The following UBIAD1 variants were observed in gnomAD, a reference collection of about 807,000 sequenced individuals.
UBIAD1 encodes UbiA prenyltransferase domain containing 1.
Under a neutral mutation model 20.1 loss-of-function variants are expected in UBIAD1, and 12 were observed. That is an observed-to-expected ratio of 0.60 (90% confidence interval 0.38 to 0.97). The LOEUF (loss-of-function observed/expected upper bound fraction) is 0.97. Ranked by LOEUF, UBIAD1 falls within the 50% of genes least tolerant of loss-of-function variation. The pLI, the probability that UBIAD1 is intolerant of heterozygous loss-of-function variation, is 0.00. For synonymous variants in UBIAD1, 207 were observed against 189.2 expected (o/e 1.09, Z -0.77); for missense variants, 333 against 419.5 (o/e 0.79, Z 1.80).
chr1:11,296,762 C>T (rs558824242), downstream of UBIAD1, among the ~76,000 whole-genome samples: 49 of 152,306 alleles, frequency 3.2e-4, no homozygotes, highest in African/African-American at 1.1e-3. Flanking sequence ...TAAAGCAATC[C>T]GCCCGCCTCA....
chr1:11,286,292 G>A lies in UBIAD1; in HGVS notation c.*161G>A. ...TTTGTGTTCTTAAAGATAATATGTT[G>A]TTTTTCTGTTTTTTGTTTTTTCCAT... On this transcript the variant is annotated 3_prime_UTR_variant, in exon 2 of 2. Coordinates refer to ENST00000376810, the MANE Select transcript of UBIAD1 (RefSeq NM_013319.3). The A allele has an allele frequency of 1.1e-6, 1 of 936,598 alleles. No homozygotes were observed. The highest frequency in any genetic ancestry group is 1.6e-6 in the Non-Finnish European group (1 of 633,088). 58.0% of individuals were successfully genotyped at this position (936,598 alleles called of 1,614,324 possible). A position where few individuals can be genotyped will look rare whatever the true frequency, so the allele number is the denominator to read the frequency against.
chr1:11,273,961 G>T lies in UBIAD1; in HGVS notation c.430G>T (p.Val144Phe), dbSNP rs762840240. The T allele has an allele frequency of 1.9e-6, 3 of 1,614,208 alleles. No individual in the cohort carries two copies. The highest frequency in any genetic ancestry group is 1.7e-5 in the Admixed American group (1 of 60,020). The stretch of plus-strand genomic sequence containing the variant: ...AGTCTTCCTCTACACGTTGGGCTGC[G>T]TCTGTGCCGCTTGCCTCTACTACCT... ...FGVFLYTLGC[V>F]CAACLYYLSP... The change falls in exon 1 of 2, where the codon GTC (valine) becomes TTC (phenylalanine). Residue 144 changes from valine to phenylalanine, a missense_variant. Physicochemically the swap from Val to Phe is conservative, Grantham distance 50. Transcript: ENST00000376810. The surrounding 1 kb of genome is among the most constrained non-coding windows in gnomAD (Gnocchi z 4.9).
At chr1:11,291,622 AAAAG>A (rs1201892374), downstream of UBIAD1, among the ~76,000 whole-genome samples, 1 of 152,012 alleles carries the variant, frequency 6.6e-6, no homozygotes, top group African/African-American at 2.4e-5. Context: ...AAAAAAAAAA[AAAAG>A]AAATATGGAA....
At chr1:11,289,744 A>G (rs1199894156), downstream of UBIAD1, among the ~76,000 whole-genome samples, 1 of 148,786 alleles carries the variant, frequency 6.7e-6, no homozygotes, top group African/African-American at 2.5e-5. Flanking sequence ...TTGTATATAT[A>G]TGTTTTATAT....
At chr1:11,284,661 A>G (rs1229748101) in intron 1 of UBIAD1, among the ~76,000 whole-genome samples, 1 of 151,986 alleles carries the variant, frequency 6.6e-6, no homozygotes, top group Non-Finnish European at 1.5e-5. Context: ...ATGGGGTTTC[A>G]CCCTGTTGGC....
downstream of UBIAD1, among the ~76,000 whole-genome samples, chr1:11,292,473 C>T (rs1638382116): frequency 6.6e-6 from 1 of 152,028 alleles, no homozygotes; most frequent in African/African-American, 2.4e-5. Context: ...ATGAGAAGAC[C>T]TCTAAGGGTC....
rs186993492 is a variant in UBIAD1, at chr1:11,282,687, C to T, written c.530-2957C>T. On this transcript the variant is annotated intron_variant, in intron 1 of 1. Coordinates refer to ENST00000376810, the MANE Select transcript of UBIAD1 (RefSeq NM_013319.3). ...AAGCGATTCTCCTGCCTCAGCCTCCCGAGTAGCTGGGATTACAGGCGTGCA... is the reference window on the plus strand; with the variant it reads ...AAGCGATTCTCCTGCCTCAGCCTCCTGAGTAGCTGGGATTACAGGCGTGCA... Among the ~76,000 whole-genome samples the T allele has an allele frequency of 1.7e-3, 256 of 151,894 alleles. 1 individual carries two copies. The highest frequency in any genetic ancestry group is 4.9e-3 in the African/African-American group (201 of 41,394).
intron 1 of UBIAD1, among the ~76,000 whole-genome samples, chr1:11,279,821 G>A (rs1284154799): frequency 6.6e-6 from 1 of 152,186 alleles, no homozygotes; most frequent in Non-Finnish European, 1.5e-5. Flanking sequence ...GGGAGTCATT[G>A]GTCTATAGAT....
chr1:11,285,990 G>A lies in UBIAD1; in HGVS notation c.876G>A (p.Met292Ile), dbSNP rs533735077. 1 of 1,614,154 alleles carries A rather than the reference G, an allele frequency of 6.2e-7. No individual in the cohort carries two copies. The highest frequency in any genetic ancestry group is 1.3e-5 in the African/African-American group (1 of 75,024). ...CACTCCCCCTGCTTACCATTCCCAT[G>A]GCCTTCTCCCTTGAGAGACAGTTTC... ...SLALPLLTIPMAFSLERQFRS... is the reference protein window; with the variant it reads ...SLALPLLTIPIAFSLERQFRS... Residue 292 changes from methionine (M) to isoleucine (I), a missense_variant, in exon 2 of 2, where the codon ATG becomes ATA. By Grantham distance (10) the Met-to-Ile change is conservative (BLOSUM62 1). Transcript: ENST00000376810. The surrounding 1 kb of genome is among the most constrained non-coding windows in gnomAD (Gnocchi z 4.4).
At chr1:11,279,846 G>C (rs1468160230) in intron 1 of UBIAD1, among the ~76,000 whole-genome samples, 1 of 152,204 alleles carries the variant, frequency 6.6e-6, no homozygotes, top group African/African-American at 2.4e-5. Context: ...TTGTAGGACT[G>C]GGTGAGGTCA....
In UBIAD1 at chr1:11,285,959, G is replaced by T; in HGVS notation, c.845G>T (p.Ser282Ile). 6.2e-7 allele frequency: 1 copy of T among 1,614,158 alleles called. No homozygotes were observed. Among genetic ancestry groups the T allele is most frequent in the Non-Finnish European group, 8.5e-7 (1 of 1,180,026 alleles). The change falls in exon 2 of 2, where the codon AGC (serine) becomes ATC (isoleucine). Residue 282 changes from serine to isoleucine, a missense_variant. Physicochemically the swap from Ser to Ile is moderately radical, Grantham distance 142. Transcript: ENST00000376810. The surrounding 1 kb of genome is among the most constrained non-coding windows in gnomAD (Gnocchi z 4.4). ...FSILATHCTISLALPLLTIPM... is the reference protein window; with the variant it reads ...FSILATHCTIILALPLLTIPM... ...ATCCTGGCCACACACTGCACCATCAGCCTGGCACTCCCCCTGCTTACCATT... is the reference window on the plus strand; with the variant it reads ...ATCCTGGCCACACACTGCACCATCATCCTGGCACTCCCCCTGCTTACCATT...
intron 1 of UBIAD1, among the ~76,000 whole-genome samples, chr1:11,278,205 G>A (rs1315939148): frequency 5.3e-5 from 8 of 151,974 alleles, no homozygotes; most frequent in Non-Finnish European, 1.0e-4. Context: ...TGATCTGCTC[G>A]CCTGAGCCTC....
At chr1:11,277,943 C>T (rs538907880) in intron 1 of UBIAD1, among the ~76,000 whole-genome samples, 8 of 152,020 alleles carry the variant, frequency 5.3e-5, no homozygotes, top group Non-Finnish European at 1.0e-4. Context: ...CTCTCCTGGC[C>T]TCTGTTTTCT....
At chr1:11,292,670 C>T (rs12091999), downstream of UBIAD1, among the ~76,000 whole-genome samples, 1,222 of 47,994 alleles carry the variant, frequency 0.025, 12 homozygotes, top group African/African-American at 0.07. Context: ...TTTATGTATA[C>T]ACACACACAC....
At chr1:11,278,614 A>G (rs764157122) in intron 1 of UBIAD1, 33 of 1,411,692 alleles carry the variant, frequency 2.3e-5, no homozygotes, top group Non-Finnish European at 3.1e-5. Flanking sequence ...ACTAAAATTA[A>G]TTGTTGTATG....
Position 11,286,163 on chromosome 1 carries a change from C to G in UBIAD1, c.*32C>G. ...AAGTAGCTCCCCCCACGACATGTCT[C>G]CCTTTCTTAGAATATATTAAAGTCA... is the stretch of plus-strand genomic sequence containing the variant. On this transcript the variant is annotated 3_prime_UTR_variant, in exon 2 of 2. Coordinates refer to ENST00000376810, the MANE Select transcript of UBIAD1 (RefSeq NM_013319.3). The G allele has an allele frequency of 6.2e-7, 1 of 1,613,898 alleles. No individual in the cohort carries two copies. The highest frequency in any genetic ancestry group is 8.5e-7 in the Non-Finnish European group (1 of 1,179,928).
chr1:11,278,528 G>T, intron 1 of UBIAD1: 1 of 703,110 alleles, frequency 1.4e-6, no homozygotes, highest in Non-Finnish European at 2.0e-6. Flanking sequence ...TAACGTGTGG[G>T]TATTTTGCAT....
intron 1 of UBIAD1, chr1:11,279,490 C>G (rs1016372362): frequency 6.6e-6 from 1 of 152,340 alleles, no homozygotes; most frequent in African/African-American, 2.4e-5. Flanking sequence ...GTGGCATGAT[C>G]TCGGCTCACT....
chr1:11,291,441 C>CTACAAAAA (rs145484674), downstream of UBIAD1, among the ~76,000 whole-genome samples: 32,006 of 151,232 alleles, frequency 0.21, 3,611 homozygotes, highest in Non-Finnish European at 0.27. Flanking sequence ...AACCCTGTCT[C>CTACAAAAA]TACAAAAATA....
Sources: allele counts gnomAD v4.1 joint callset (sites outside exome capture counted in the v4.1 genomes callset), GRCh38; gene constraint gnomAD v4.1.1; non-coding constraint Gnocchi (gnomAD v3.1); transcripts MANE v1.5; gene names NCBI Gene and HGNC (gene_info 2026-07-23, HGNC 2026-07-21).